UBA6: variants seen among roughly 807,000 people sequenced by gnomAD.
UBA6 encodes ubiquitin-like modifier-activating enzyme 6.
In UBA6, 87 loss-of-function variants were observed where a neutral mutation model predicts 148.3. The observed-to-expected ratio is 0.59, with a 90% CI of 0.49 to 0.70. The LOEUF is 0.70. Ranked by LOEUF, UBA6 falls within the 30% of genes least tolerant of loss-of-function variation. The probability of loss-of-function intolerance (pLI) is 0.00; values close to 1 mark genes in which losing one functional copy is unlikely to be tolerated. For missense variants in UBA6, 1,186 were observed against 1,241.2 expected, an observed-to-expected ratio of 0.96 and a Z score of 0.67; for synonymous variants, 376 against 401.0, an observed-to-expected ratio of 0.94 and a Z score of 0.75.
At position 67,634,414 on chromosome 4, in the gene UBA6, A is replaced by G. The variant is rs1577795493; in HGVS notation, c.1932+15T>C. On this transcript the variant is annotated intron_variant, in intron 21 of 32. Transcript: ENST00000322244. Reference sequence around the variant, plus strand: ...TCTCACTTCAAAGAAAATAAATTTAAAAAGGAACTTTTACCTTATCTCTTG... The same window carrying G: ...TCTCACTTCAAAGAAAATAAATTTAGAAAGGAACTTTTACCTTATCTCTTG... 1 of 1,567,888 alleles carries G rather than the reference A, an allele frequency of 6.4e-7. No homozygotes were observed. The highest frequency in any genetic ancestry group is 8.6e-7 in the Non-Finnish European group (1 of 1,165,768).
chr4:67,622,417 A>C (rs1380582867), intron 32 of UBA6, among the ~76,000 whole-genome samples: 1 of 152,196 alleles, frequency 6.6e-6, no homozygotes, highest in African/African-American at 2.4e-5. Context: ...CAAACTCCTT[A>C]AGTAGGAAAG....
chr4:67,673,921 T>C, intron 6 of UBA6, 144 bp from the exon 7 acceptor site: 2 of 475,024 alleles, frequency 4.2e-6, no homozygotes, highest in Non-Finnish European at 7.5e-6. Flanking sequence ...GGAATTCCAT[T>C]CCAAGGTTAA....
In UBA6 at chr4:67,634,320, A is replaced by G; in HGVS notation, c.1935T>C (p.Phe645=). 1 of 1,588,620 alleles carries G rather than the reference A, an allele frequency of 6.3e-7. No individual in the cohort carries two copies. Among genetic ancestry groups the G allele is most frequent in the Non-Finnish European group, 8.5e-7 (1 of 1,173,406 alleles). ...AAGGTTTGTGGGAAAAGGAACTTTCAAACTGTAACAGAGAAAAGAAAAAAA... is the reference window on the plus strand; with the variant it reads ...AAGGTTTGTGGGAAAAGGAACTTTCGAACTGTAACAGAGAAAAGAAAAAAA... ...EHTIQWARDK[F]ESSFSHKPSL... Residue 645 remains phenylalanine, a splice_region_variant and synonymous_variant, in exon 22 of 33, where the codon TTT becomes TTC. Coordinates refer to ENST00000322244, the MANE Select transcript of UBA6 (RefSeq NM_018227.6).
At chr4:67,644,073 T>A (rs1296365322) in intron 17 of UBA6, among the ~76,000 whole-genome samples, 1 of 152,136 alleles carries the variant, frequency 6.6e-6, no homozygotes, top group African/African-American at 2.4e-5. Flanking sequence ...ATATAAATTT[T>A]AGCCATTTAA....
At chr4:67,700,183 C>T (rs1193637584) in intron 1 of UBA6, among the ~76,000 whole-genome samples, 1 of 152,224 alleles carries the variant, frequency 6.6e-6, no homozygotes, top group Admixed American at 6.5e-5. Flanking sequence ...TAATATCCCT[C>T]CACTCTGGCA....
Position 67,689,148 on chromosome 4 carries a change from T to C in UBA6, c.135-6935A>G, listed in dbSNP as rs988863280. 5.9e-5 allele frequency among the ~76,000 whole-genome samples: 9 copies of C among 152,260 alleles called. No individual in the cohort carries two copies. In the East Asian group the frequency reaches 1.5e-3, roughly 26 times the overall value. On this transcript the variant is annotated intron_variant, in intron 2 of 32. Transcript: ENST00000322244. ...AGATATTCAACACTTTATTATAAAA[T>C]AGTCTTTGTGTTAGATGATTTTGCC...
At chr4:67,645,491 C>T (rs1413362308) in intron 16 of UBA6, among the ~76,000 whole-genome samples, 3 of 151,616 alleles carry the variant, frequency 2.0e-5, no homozygotes, top group Non-Finnish European at 2.9e-5. Flanking sequence ...CCCAGCTACT[C>T]GGGAGGCTGA....
rs181469610 is a variant in UBA6, at chr4:67,694,159, T to C, written c.134+2486A>G. On this transcript the variant is annotated intron_variant, in intron 2 of 32. Coordinates refer to ENST00000322244, the MANE Select transcript of UBA6 (RefSeq NM_018227.6). ...TGAACCCAAGAGGCGGAGGTTGCCA[T>C]GAGCCGAGATCGCGCCACTGCACTC... 3.2e-3 allele frequency among the ~76,000 whole-genome samples: 385 copies of C among 120,562 alleles called. 3 individuals are homozygous for C. Among genetic ancestry groups the C allele is most frequent in the African/African-American group, 0.012 (374 of 31,068 alleles). The allele number at this position is 120,562 out of a possible 152,430, so 79.1% of individuals were successfully genotyped here.
rs1730312174 is a variant in UBA6, at chr4:67,677,541, A to G, written c.465+70T>C. On this transcript the variant is annotated intron_variant, in intron 6 of 32. Coordinates refer to ENST00000322244, the MANE Select transcript of UBA6 (RefSeq NM_018227.6). ...TCAATACACTAGGTTAAATTAGTTAAACATATTAATATTTAACAATTTTGC... is the reference window on the plus strand; with the variant it reads ...TCAATACACTAGGTTAAATTAGTTAGACATATTAATATTTAACAATTTTGC... 19 of 732,946 alleles carry G rather than the reference A, an allele frequency of 2.6e-5. No homozygotes were observed. The South Asian group carries it at 3.9e-4, about 15-fold the overall frequency. The allele number at this position is 732,946 out of a possible 1,614,324, so 45.4% of individuals were successfully genotyped here.
At chr4:67,665,808 A>G (rs1055027633) in intron 9 of UBA6, among the ~76,000 whole-genome samples, 10 of 152,108 alleles carry the variant, frequency 6.6e-5, no homozygotes, top group Admixed American at 6.6e-5. Flanking sequence ...CAAATGGATA[A>G]AAGTTTTAGG....
At chr4:67,657,427 T>C (rs1413940112) in intron 13 of UBA6, among the ~76,000 whole-genome samples, 1 of 152,084 alleles carries the variant, frequency 6.6e-6, no homozygotes, top group Non-Finnish European at 1.5e-5. Context: ...AAACAAGAAA[T>C]GGGGAAAGGA....
chr4:67,694,293 A>AAAAAC (rs1730777990), intron 2 of UBA6, among the ~76,000 whole-genome samples: 1 of 150,458 alleles, frequency 6.6e-6, no homozygotes, highest in Non-Finnish European at 1.5e-5. Context: ...CTATAAAAAA[A>AAAAAC]AAAACCCTCA....
intron 6 of UBA6, among the ~76,000 whole-genome samples, chr4:67,676,076 T>C (rs1295211137): frequency 3.5e-5 from 5 of 144,418 alleles, no homozygotes; most frequent in Admixed American, 7.4e-5. Flanking sequence ...CAGGCTGGAG[T>C]GCAGTGGCTC....
At chr4:67,691,501 T>A (rs1474818109) in intron 2 of UBA6, among the ~76,000 whole-genome samples, 2 of 152,308 alleles carry the variant, frequency 1.3e-5, no homozygotes, top group African/African-American at 4.8e-5. Context: ...TCTATTCATC[T>A]TTGCCTGAGC....
chr4:67,632,972 G>A (rs1178636374), intron 23 of UBA6, among the ~76,000 whole-genome samples: 1 of 152,014 alleles, frequency 6.6e-6, no homozygotes, highest in South Asian at 2.1e-4. Flanking sequence ...TTTTTTATGT[G>A]CCAGGCTCTG....
At chr4:67,694,729 T>C (rs1435869441) in intron 2 of UBA6, among the ~76,000 whole-genome samples, 1 of 152,222 alleles carries the variant, frequency 6.6e-6, no homozygotes, top group Non-Finnish European at 1.5e-5. Context: ...AAAACCTATA[T>C]GTAGTCAGTA....
rs770931104 is a variant in UBA6, at chr4:67,634,315, C to G, written c.1940G>C (p.Ser647Thr). 6.3e-7 allele frequency: 1 copy of G among 1,590,220 alleles called. No homozygotes were observed. Among genetic ancestry groups the G allele is most frequent in the Non-Finnish European group, 8.5e-7 (1 of 1,173,534 alleles). ...TIQWARDKFE[S>T]SFSHKPSLFN... ...CAATGAAGGTTTGTGGGAAAAGGAACTTTCAAACTGTAACAGAGAAAAGAA... is the reference window on the plus strand; with the variant it reads ...CAATGAAGGTTTGTGGGAAAAGGAAGTTTCAAACTGTAACAGAGAAAAGAA... Residue 647 changes from serine (S) to threonine (T), a missense_variant, in exon 22 of 33, where the codon AGT becomes ACT. Ser to Thr is a moderately conservative substitution (Grantham distance 58). Coordinates refer to ENST00000322244, the MANE Select transcript of UBA6 (RefSeq NM_018227.6).
Position 67,694,019 on chromosome 4 carries a change from C to T in UBA6, c.134+2626G>A, listed in dbSNP as rs377060994. Among the ~76,000 whole-genome samples the T allele has an allele frequency of 5.9e-5, 9 of 151,746 alleles. No individual in the cohort carries two copies. The South Asian group carries it at 1.7e-3, about 28-fold the overall frequency. ...CATGAGGTCAAGAGACTGAGATCATCCTGGCCAACATGGTGAAACCCCGCC... is the reference window on the plus strand; with the variant it reads ...CATGAGGTCAAGAGACTGAGATCATTCTGGCCAACATGGTGAAACCCCGCC... On this transcript the variant is annotated intron_variant, in intron 2 of 32. Coordinates refer to ENST00000322244, the MANE Select transcript of UBA6 (RefSeq NM_018227.6).
At chr4:67,621,819 A>C (rs1728758239) in intron 32 of UBA6, among the ~76,000 whole-genome samples, 1 of 152,222 alleles carries the variant, frequency 6.6e-6, no homozygotes, top group South Asian at 2.1e-4. Context: ...ACAAACAAAC[A>C]ATAAATATAA....
Sources: allele counts gnomAD v4.1 joint callset (sites outside exome capture counted in the v4.1 genomes callset), GRCh38; gene constraint gnomAD v4.1.1; transcripts MANE v1.5; gene names NCBI Gene and HGNC (gene_info 2026-07-23, HGNC 2026-07-21).